DLG4: variants seen among roughly 807,000 people sequenced by gnomAD.
DLG4 encodes the protein discs large MAGUK scaffold protein 4.
In DLG4, 7 loss-of-function variants were observed where a neutral mutation model predicts 93.8. That is an observed-to-expected ratio of 0.07 (90% CI 0.04 to 0.14). The LOEUF is 0.14. Among genes scored for constraint, DLG4 ranks in the 10% least tolerant of loss-of-function variants. The pLI is 1.00. For synonymous variants in DLG4, 341 were observed against 387.6 expected (o/e 0.88, Z 1.41); for missense variants, 545 against 992.9 (o/e 0.55, Z 6.06).
At position 7,189,213 on chromosome 17, in the gene DLG4, C is replaced by T. The variant is rs541678277; in HGVS notation, c.*1495G>A. On this transcript the variant is annotated 3_prime_UTR_variant, in exon 20 of 20. Coordinates refer to ENST00000399506, the MANE Select transcript of DLG4 (RefSeq NM_001321075.3). ...AACTCTGTAAAGATCATTTCCAGGCCAGGCGCGGTGGCTCACGCCTGTAAT... is the reference window on the plus strand; with the variant it reads ...AACTCTGTAAAGATCATTTCCAGGCTAGGCGCGGTGGCTCACGCCTGTAAT... Among the ~76,000 whole-genome samples, 23 of 151,708 alleles carry T rather than the reference C, an allele frequency of 1.5e-4. No homozygotes were observed. The highest frequency in any genetic ancestry group is 5.3e-4 in the African/African-American group (22 of 41,370).
rs771589738 is a variant in DLG4 at position 7,192,012 on chromosome 17, G to A, written c.1867-10C>T. 17 of 1,419,782 alleles carry A rather than the reference G, an allele frequency of 1.2e-5. No individual in the cohort carries two copies. Among genetic ancestry groups the A allele is most frequent in the African/African-American group, 7.4e-5 (5 of 67,826 alleles). 87.9% of individuals were successfully genotyped at this position (1,419,782 alleles called of 1,614,324 possible). Reference sequence around the variant, plus strand: ...GGATGCAGTGCTTCCCCTGGGGGCAGGCAGGGTGGGCGGAGGGGGGCCAGC... The same window carrying A: ...GGATGCAGTGCTTCCCCTGGGGGCAAGCAGGGTGGGCGGAGGGGGGCCAGC... On this transcript the variant is annotated splice_polypyrimidine_tract_variant and intron_variant, in intron 17 of 19. Coordinates refer to ENST00000399506, the MANE Select transcript of DLG4 (RefSeq NM_001321075.3).
At chr17:7,210,604 A>G (rs1048013154) in intron 1 of DLG4, among the ~76,000 whole-genome samples, 5 of 152,196 alleles carry the variant, frequency 3.3e-5, no homozygotes, top group African/African-American at 9.7e-5. Flanking sequence ...GCAGTGCACA[A>G]GCTGAGGGGC....
chr17:7,209,990 C>T (rs573529003), intron 1 of DLG4, among the ~76,000 whole-genome samples: 1 of 152,152 alleles, frequency 6.6e-6, no homozygotes, highest in South Asian at 2.1e-4. Context: ...TGCAGTGAGC[C>T]GAGATCATGC....
chr17:7,213,882 T>C (rs1306032366), intron 1 of DLG4: 10 of 470,720 alleles, frequency 2.1e-5, no homozygotes, highest in African/African-American at 8.0e-5. Flanking sequence ...TCATATCTGG[T>C]AGGAAGGCTT....
chr17:7,193,856 A>G lies in DLG4; in HGVS notation c.1531T>C (p.Ser511Pro). ...TAACCCTACCTACCCTGCGATCCAG[A>G]GCTGGAGCCCCAGTCCTAAGAAGAA... ...RLKAKDWGSS[S>P]GSQGREDSVL... The change falls in exon 14 of 20, where the codon TCT becomes CCT. Residue 511 changes from serine (S) to proline (P), a missense_variant. Physicochemically the swap from Ser to Pro is moderately conservative, Grantham distance 74. This residue lies in a region of DLG4 where 428 missense variants were observed against 741.4 expected (regional missense o/e 0.58). Transcript: ENST00000399506. The surrounding 1 kb of genome is among the most constrained non-coding windows in gnomAD (Gnocchi z 6.7). 4.3e-6 allele frequency: 7 copies of G among 1,612,922 alleles called. No individual in the cohort carries two copies. The highest frequency in any genetic ancestry group is 5.9e-6 in the Non-Finnish European group (7 of 1,179,450).
Position 7,217,609 on chromosome 17 carries a change from G to A in DLG4, c.-462C>T. 7.0e-7 allele frequency: 1 copy of A among 1,432,384 alleles called. No individual in the cohort carries two copies. Among genetic ancestry groups the A allele is most frequent in the Non-Finnish European group, 9.2e-7 (1 of 1,087,246 alleles). 88.7% of individuals were successfully genotyped at this position (1,432,384 alleles called of 1,614,324 possible). A position where few individuals can be genotyped will look rare whatever the true frequency, so the allele number is the denominator to read the frequency against. On this transcript the variant is annotated 5_prime_UTR_variant, in exon 1 of 20. Coordinates refer to ENST00000399506, the MANE Select transcript of DLG4 (RefSeq NM_001321075.3). ...GCCGAGGGAGCCGTGGAGCCGAAGA[G>A]GGAAGGGGAGAGAGGAGGAGAGAGG... is the stretch of plus-strand genomic sequence containing the variant.
chr17:7,205,207 C>T, intron 2 of DLG4: 2 of 977,374 alleles, frequency 2.0e-6, no homozygotes, highest in Non-Finnish European at 2.4e-6. Flanking sequence ...GAAAGACATC[C>T]GGGTCCTATC....
intron 1 of DLG4, among the ~76,000 whole-genome samples, chr17:7,216,252 A>G (rs1360038431): frequency 6.6e-6 from 1 of 151,926 alleles, no homozygotes; most frequent in Non-Finnish European, 1.5e-5. Flanking sequence ...CTCTCTCTTG[A>G]TCAGGGCTAG....
chr17:7,217,952 T>A (rs2071011777), upstream of DLG4: 1 of 848,050 alleles, frequency 1.2e-6, no homozygotes, highest in South Asian at 1.6e-5. Context: ...AAGGAGGCAA[T>A]CCCTGGGGGC....
chr17:7,208,151 T>C lies in DLG4; in HGVS notation c.96+23A>G. ...GTGGGACAAGTTCCTCTCCGCCACG[T>C]GCACCAGCTCGGGGGCGTTTACCTG... On this transcript the variant is annotated intron_variant, in intron 2 of 19. Transcript: ENST00000399506. The surrounding 1 kb of genome is among the most constrained non-coding windows in gnomAD (Gnocchi z 5.4). 7.6e-7 allele frequency: 1 copy of C among 1,318,874 alleles called. No homozygotes were observed. Among genetic ancestry groups the C allele is most frequent in the Non-Finnish European group, 9.8e-7 (1 of 1,024,246 alleles). The allele number at this position is 1,318,874 out of a possible 1,614,324, so 81.7% of individuals were successfully genotyped here.
chr17:7,192,718 T>G, intron 17 of DLG4, among the ~76,000 whole-genome samples: 1 of 148,006 alleles, frequency 6.8e-6, no homozygotes, highest in Non-Finnish European at 1.5e-5. Context: ...AGAGGCCAGA[T>G]GGTGGTGGGG....
In DLG4 at chr17:7,217,217, T is replaced by A; in HGVS notation, c.-70A>T. 2 of 1,244,902 alleles carry A rather than the reference T, an allele frequency of 1.6e-6. No homozygotes were observed. The highest frequency in any genetic ancestry group is 7.1e-5 in the South Asian group (2 of 28,002). 77.1% of individuals were successfully genotyped at this position (1,244,902 alleles called of 1,614,324 possible). A position where few individuals can be genotyped will look rare whatever the true frequency, so the allele number is the denominator to read the frequency against. Reference sequence around the variant, plus strand: ...ATCGGAGTTTCGTTCCTCCCCTCCGTGGGTTCTCACCCCTCCCCCCTCCGC... The same window carrying A: ...ATCGGAGTTTCGTTCCTCCCCTCCGAGGGTTCTCACCCCTCCCCCCTCCGC... On this transcript the variant is annotated 5_prime_UTR_variant, in exon 1 of 20. Coordinates refer to ENST00000399506, the MANE Select transcript of DLG4 (RefSeq NM_001321075.3).
At chr17:7,213,425 A>G (rs2142924742) in intron 1 of DLG4, among the ~76,000 whole-genome samples, 1 of 152,024 alleles carries the variant, frequency 6.6e-6, no homozygotes. Flanking sequence ...TTTACCCCTG[A>G]GGTTCATAGA....
At position 7,196,195 on chromosome 17, in the gene DLG4, G is replaced by A. The variant is rs756175259; in HGVS notation, c.1301+25C>T. ...TGCCCAGGAACGCAGAGGGGCTGAGGAGTCCAGCCCGGGAAGCCTCTGACC... is the reference window on the plus strand; with the variant it reads ...TGCCCAGGAACGCAGAGGGGCTGAGAAGTCCAGCCCGGGAAGCCTCTGACC... On this transcript the variant is annotated intron_variant, in intron 11 of 19. Transcript: ENST00000399506. This position sits in a 1 kb window ranked among gnomAD's most constrained non-coding sequence, Gnocchi z 8.3. 3 of 1,560,812 alleles carry A rather than the reference G, an allele frequency of 1.9e-6. No homozygotes were observed. Among genetic ancestry groups the A allele is most frequent in the Non-Finnish European group, 2.6e-6 (3 of 1,135,118 alleles).
intron 17 of DLG4, 66 bp from the exon 18 acceptor site, chr17:7,192,068 G>A (rs1264688691): frequency 9.0e-6 from 8 of 884,174 alleles, no homozygotes; most frequent in Non-Finnish European, 9.9e-6. Context: ...GAGCAGTGCC[G>A]GAGGGACACG....
intron 8 of DLG4, among the ~76,000 whole-genome samples, chr17:7,197,336 G>A (rs752584134): frequency 1.3e-5 from 2 of 151,946 alleles, no homozygotes; most frequent in African/African-American, 2.4e-5. Context: ...TTAATATTAC[G>A]CTTTGGGGGT....
chr17:7,218,387 A>G, upstream of DLG4: 1 of 1,429,204 alleles, frequency 7.0e-7, no homozygotes, highest in African/African-American at 1.4e-5. Flanking sequence ...GAGCCCTTTC[A>G]GCCAAGGCTG....
At chr17:7,192,106 T>G in intron 17 of DLG4, 104 bp from the exon 18 acceptor site, 1 of 595,498 alleles carries the variant, frequency 1.7e-6, no homozygotes, top group South Asian at 3.0e-5. Context: ...AATGGGAAGT[T>G]GGCCGAAGGG....
At chr17:7,215,893 C>T (rs898405981) in intron 1 of DLG4, among the ~76,000 whole-genome samples, 1 of 133,436 alleles carries the variant, frequency 7.5e-6, no homozygotes, top group Non-Finnish European at 1.6e-5. Flanking sequence ...TCCTGTCCCA[C>T]CCCCCAGCCC....
Sources: allele counts gnomAD v4.1 joint callset (sites outside exome capture counted in the v4.1 genomes callset), GRCh38; gene constraint gnomAD v4.1.1; regional missense constraint gnomAD v4.1.1; non-coding constraint Gnocchi (gnomAD v3.1); transcripts MANE v1.5; gene names NCBI Gene and HGNC (gene_info 2026-07-23, HGNC 2026-07-21).